The following MEGF6 variants were observed in gnomAD, a reference collection of about 807,000 sequenced individuals.
MEGF6 encodes the protein multiple epidermal growth factor-like domains protein 6.
In MEGF6, 184 loss-of-function variants were observed where a neutral mutation model predicts 207.1. The observed-to-expected ratio is 0.89, with a 90% CI of 0.79 to 1.00. MEGF6 has a LOEUF of 1.00. MEGF6 is among the 50% of genes least tolerant of loss of function. MEGF6 has a pLI of 0.00. For synonymous variants in MEGF6, 1,038 were observed against 910.0 expected, an observed-to-expected ratio of 1.14 and a Z score of -2.53; for missense variants, 2,282 against 2,202.9, an observed-to-expected ratio of 1.04 and a Z score of -0.72.
rs368582010 is a variant in MEGF6 at position 3,585,241 on chromosome 1, TGTGA to T, written c.377-5316_377-5313del. ...TGAGGACACTTGTCCTGTGTGTGGG[TGTGA>T]GTGACATATGTCCTGTGTGTGGGTG... is the stretch of plus-strand genomic sequence containing the variant. On this transcript the variant is annotated intron_variant, in intron 3 of 36. Transcript: ENST00000356575. Among the ~76,000 whole-genome samples the T allele has an allele frequency of 2.7e-3, 406 of 148,418 alleles. 2 individuals carry two copies. Among genetic ancestry groups the T allele is most frequent in the African/African-American group, 9.6e-3 (381 of 39,792 alleles).
chr1:3,609,601 A>T (rs1408970910), intron 1 of MEGF6, among the ~76,000 whole-genome samples: 2 of 152,260 alleles, frequency 1.3e-5, no homozygotes, highest in Non-Finnish European at 2.9e-5. Flanking sequence ...TGTGAAGGAC[A>T]GAGAAGGGAG....
intron 5 of MEGF6, 99 bp from the exon 6 acceptor site, chr1:3,515,626 T>C: frequency 7.6e-6 from 11 of 1,453,332 alleles, no homozygotes; most frequent in Non-Finnish European, 1.0e-5. Context: ...GGCCACTTCT[T>C]CCTGCTGTAG....
At position 3,506,180 on chromosome 1, in the gene MEGF6, G is replaced by A. The variant is rs532002782; in HGVS notation, c.1846C>T (p.Arg616Trp). ...CCGTAGAGGCGGTGGCACCGGCCCCGGTTGGCACAGTTGCATTTCTTGCGA... is the reference window on the plus strand; with the variant it reads ...CCGTAGAGGCGGTGGCACCGGCCCCAGTTGGCACAGTTGCATTTCTTGCGA... ...HCRKKCNCAN[R>W]GRCHRLYGAC... Residue 616 changes from arginine (R) to tryptophan (W), a missense_variant, in exon 15 of 37, where the codon CGG becomes TGG. Transcript: ENST00000356575. 33 of 1,599,456 alleles carry A rather than the reference G, an allele frequency of 2.1e-5. No homozygotes were observed. In the African/African-American group the frequency reaches 2.3e-4, roughly 11 times the overall value.
rs530133552 is a variant in MEGF6, at chr1:3,501,114, G to A, written c.2447-20C>T. ...GGCACACTACAGGCAGGCGAGAGAGGGTGAGTGGGGCCTGGCCACCTACCC... is the reference window on the plus strand; with the variant it reads ...GGCACACTACAGGCAGGCGAGAGAGAGTGAGTGGGGCCTGGCCACCTACCC... On this transcript the variant is annotated intron_variant, in intron 19 of 36. Coordinates refer to ENST00000356575, the MANE Select transcript of MEGF6 (RefSeq NM_001409.4). 13 of 1,612,668 alleles carry A rather than the reference G, an allele frequency of 8.1e-6. No homozygotes were observed. Among genetic ancestry groups the A allele is most frequent in the African/African-American group, 4.0e-5 (3 of 75,038 alleles).
rs546784389 is a variant in MEGF6 at position 3,505,362 on chromosome 1, G to C, written c.2054-20C>G. The C allele has an allele frequency of 1.9e-5, 30 of 1,608,204 alleles. No homozygotes were observed. In the East Asian group the frequency reaches 6.7e-4, roughly 36 times the overall value. The stretch of plus-strand genomic sequence containing the variant: ...CACACTCTGCAGGGCGTGAGAGAGG[G>C]GTGGGTGGGGTTAACCGACCCTGGC... On this transcript the variant is annotated intron_variant, in intron 16 of 36. Transcript: ENST00000356575.
chr1:3,497,185 T>G (rs989747870), intron 27 of MEGF6, 48 bp downstream of exon 27: 1 of 1,535,778 alleles, frequency 6.5e-7, no homozygotes, highest in Non-Finnish European at 8.8e-7. Flanking sequence ...CCTCTCTGGA[T>G]TCCCCCTGCC....
In MEGF6 at chr1:3,505,110, G is replaced by A. The variant is rs1161960050; in HGVS notation, c.2188+98C>T. On this transcript the variant is annotated intron_variant, in intron 17 of 36. Transcript: ENST00000356575. ...GGCTTAGGCAAAGGGGGCCGATAGT[G>A]ACAGCTGTGCAGCCCTTCTGAAGCC... 2.7e-6 allele frequency: 4 copies of A among 1,494,980 alleles called. No individual in the cohort carries two copies. The African/African-American group carries it at 5.5e-5, about 21-fold the overall frequency. 92.6% of individuals were successfully genotyped at this position (1,494,980 alleles called of 1,614,324 possible).
rs1469140559 is a variant in MEGF6 at position 3,490,310 on chromosome 1, C to T, written c.*218G>A. ...GGTTCTGCAGAGCCAGGCCAGGAGG[C>T]GCCTCTCTTCCAGCGGCCATGCGAG... On this transcript the variant is annotated 3_prime_UTR_variant, in exon 37 of 37. Coordinates refer to ENST00000356575, the MANE Select transcript of MEGF6 (RefSeq NM_001409.4). 20 of 577,066 alleles carry T rather than the reference C, an allele frequency of 3.5e-5. No individual in the cohort carries two copies. Among genetic ancestry groups the T allele is most frequent in the East Asian group, 6.2e-5 (2 of 32,490 alleles). The allele number at this position is 577,066 out of a possible 1,614,324, so 35.7% of individuals were successfully genotyped here.
intron 35 of MEGF6, among the ~76,000 whole-genome samples, chr1:3,491,357 G>A (rs1640355831): frequency 6.6e-6 from 1 of 152,100 alleles, no homozygotes; most frequent in African/African-American, 2.4e-5. Context: ...ACCCAGCGCA[G>A]GTGCCGGCAG....
At chr1:3,551,794 A>G (rs1255892473) in intron 4 of MEGF6, among the ~76,000 whole-genome samples, 1 of 152,154 alleles carries the variant, frequency 6.6e-6, no homozygotes, top group Non-Finnish European at 1.5e-5. Flanking sequence ...GACTTCCATC[A>G]GGAAAACCAG....
At chr1:3,492,120 T>C (rs1000351668) in intron 35 of MEGF6, among the ~76,000 whole-genome samples, 3 of 152,014 alleles carry the variant, frequency 2.0e-5, no homozygotes, top group East Asian at 1.9e-4. Context: ...CGTGCAGGAC[T>C]GCGTGCGTGG....
rs1643557387 is a variant in MEGF6 at position 3,573,176 on chromosome 1, C to A, written c.481+6649G>T. Among the ~76,000 whole-genome samples the A allele has an allele frequency of 1.3e-5, 2 of 151,566 alleles. No individual in the cohort carries two copies. Among genetic ancestry groups the A allele is most frequent in the African/African-American group, 4.9e-5 (2 of 41,194 alleles). The stretch of plus-strand genomic sequence containing the variant: ...GTTCCCTCAGGTGTGCTGGGTCCTC[C>A]CTGGTATGCTGGGTCCTCCTGCGTG... On this transcript the variant is annotated intron_variant, in intron 4 of 36. Coordinates refer to ENST00000356575, the MANE Select transcript of MEGF6 (RefSeq NM_001409.4). The surrounding 1 kb of genome is among the most constrained non-coding windows in gnomAD (Gnocchi z 5.1).
Position 3,505,238 on chromosome 1 carries a change from C to G in MEGF6, c.2158G>C (p.Ala720Pro). The G allele has an allele frequency of 6.2e-7, 1 of 1,612,410 alleles. No individual in the cohort carries two copies. The highest frequency in any genetic ancestry group is 8.5e-7 in the Non-Finnish European group (1 of 1,179,880). Residue 720 changes from alanine (A) to proline (P), a missense_variant, in exon 17 of 37, where the codon GCT becomes CCT. Coordinates refer to ENST00000356575, the MANE Select transcript of MEGF6 (RefSeq NM_001409.4). ...VSGECGKRCP[A>P]GFQGEDCGQE... ...CCACAGTCCTCTCCCTGGAAGCCAG[C>G]AGGACACCGCTTCCCACACTCGCCG...
At chr1:3,495,611 C>T (rs910785144) in intron 30 of MEGF6, among the ~76,000 whole-genome samples, 2 of 152,196 alleles carry the variant, frequency 1.3e-5, no homozygotes, top group Admixed American at 1.3e-4. Context: ...CCCACGGCCA[C>T]CTCTATGAGG....
At chr1:3,551,351 G>C (rs1018990553) in intron 4 of MEGF6, among the ~76,000 whole-genome samples, 3 of 152,196 alleles carry the variant, frequency 2.0e-5, no homozygotes, top group African/African-American at 7.2e-5. Flanking sequence ...GGACCTAAGG[G>C]GCCAAAGGGG....
At chr1:3,515,757 T>C (rs565407967) in intron 5 of MEGF6, among the ~76,000 whole-genome samples, 203 of 152,284 alleles carry the variant, frequency 1.3e-3, no homozygotes, top group Non-Finnish European at 2.4e-3. Context: ...CTCAGGCCTG[T>C]GGGGGATTCA....
rs538301281 is a variant in MEGF6 at position 3,492,734 on chromosome 1, G to A, written c.4421C>T (p.Thr1474Ile). 17 of 1,612,498 alleles carry A rather than the reference G, an allele frequency of 1.1e-5. No individual in the cohort carries two copies. The South Asian group carries it at 1.5e-4, about 15-fold the overall frequency. ...CCCACCCCCGCAGTCACAGTGCAGGGTGCAGCTGGGCCCAAACTGGCCCCT... is the reference window on the plus strand; with the variant it reads ...CCCACCCCCGCAGTCACAGTGCAGGATGCAGCTGGGCCCAAACTGGCCCCT... ...CRRGQFGPSC[T>I]LHCDCGGGAD... Residue 1474 changes from threonine to isoleucine, a missense_variant, in exon 35 of 37, where the codon ACC becomes ATC. Physicochemically the swap from Thr to Ile is moderately conservative, Grantham distance 89 (BLOSUM62 -1). Transcript: ENST00000356575.
chr1:3,566,140 G>A (rs13375456), intron 4 of MEGF6, among the ~76,000 whole-genome samples: 2,745 of 152,316 alleles, frequency 0.018, 93 homozygotes, highest in African/African-American at 0.064. Flanking sequence ...TCCTTCTCCT[G>A]CAGTCACTGT....
chr1:3,534,850 C>T (rs1441403851), intron 4 of MEGF6, among the ~76,000 whole-genome samples: 1 of 152,152 alleles, frequency 6.6e-6, no homozygotes, highest in Non-Finnish European at 1.5e-5. Context: ...CAGCACCCCA[C>T]CAGAGCCATC....
Sources: allele counts gnomAD v4.1 joint callset (sites outside exome capture counted in the v4.1 genomes callset), GRCh38; gene constraint gnomAD v4.1.1; non-coding constraint Gnocchi (gnomAD v3.1); transcripts MANE v1.5; gene names NCBI Gene and HGNC (gene_info 2026-07-23, HGNC 2026-07-21).